ARNT2: variants seen among roughly 807,000 people sequenced by gnomAD.
The protein encoded by ARNT2 is aryl hydrocarbon receptor nuclear translocator 2, also known as ARNT protein 2.
A neutral mutation model predicts 91.7 loss-of-function variants in ARNT2; 36 were observed. The ratio of observed to expected loss-of-function variants is 0.39; its 90% CI spans 0.30 to 0.52. The LOEUF (loss-of-function observed/expected upper bound fraction) is 0.52, where lower values mean the gene tolerates loss of function less well. Ranked by LOEUF, ARNT2 falls within the 20% of genes least tolerant of loss-of-function variation. ARNT2 has a pLI of 0.72. For missense variants in ARNT2, 775 were observed against 939.3 expected (o/e 0.83, Z 2.29); for synonymous variants, 365 against 347.1 (o/e 1.05, Z -0.57).
At chr15:80,558,371 C>G (rs894656686) in intron 11 of ARNT2, among the ~76,000 whole-genome samples, 6 of 125,808 alleles carry the variant, frequency 4.8e-5, no homozygotes, top group African/African-American at 1.8e-4. Context: ...GGGTCTTACT[C>G]TGTTGCCCAG....
chr15:80,548,624 A>G (rs930262679), intron 8 of ARNT2, among the ~76,000 whole-genome samples: 4 of 152,138 alleles, frequency 2.6e-5, no homozygotes, highest in East Asian at 1.9e-4. Flanking sequence ...AACAGAGGCT[A>G]TAATGGTAGA....
chr15:80,559,836 G>C (rs985025001), intron 11 of ARNT2, among the ~76,000 whole-genome samples: 1 of 152,210 alleles, frequency 6.6e-6, no homozygotes, highest in Non-Finnish European at 1.5e-5. Flanking sequence ...GCTAAGCCGG[G>C]TTTTACGCTT....
intron 5 of ARNT2, among the ~76,000 whole-genome samples, chr15:80,479,105 G>A (rs530598902): frequency 5.7e-4 from 87 of 152,282 alleles, no homozygotes; most frequent in Non-Finnish European, 1.1e-3. Flanking sequence ...TGTCTCATTC[G>A]TTGGACCTGC....
intron 17 of ARNT2, among the ~76,000 whole-genome samples, chr15:80,588,728 A>C (rs1163545021): frequency 2.0e-5 from 3 of 152,080 alleles, no homozygotes; most frequent in African/African-American, 4.8e-5. Flanking sequence ...CCTATACCGG[A>C]TTAATTACTA....
Position 80,550,414 on chromosome 15 carries a change from C to T in ARNT2, c.878-785C>T, listed in dbSNP as rs115965953. 5.6e-3 allele frequency among the ~76,000 whole-genome samples: 857 copies of T among 152,226 alleles called. 13 individuals carry two copies. Among genetic ancestry groups the T allele is most frequent in the African/African-American group, 0.019 (791 of 41,526 alleles). ...GTCCGACCCAGTGTGGAAATATTTG[C>T]GTTAAGTGTCATGCAGTGTAAAAGG... On this transcript the variant is annotated intron_variant, in intron 8 of 18. Transcript: ENST00000303329.
intron 1 of ARNT2, among the ~76,000 whole-genome samples, chr15:80,406,349 C>T (rs552643106): frequency 1.3e-5 from 2 of 152,306 alleles, no homozygotes; most frequent in South Asian, 4.1e-4. Flanking sequence ...AAATCTGTGC[C>T]AGTTTGCCTG....
intron 1 of ARNT2, among the ~76,000 whole-genome samples, chr15:80,431,837 C>T (rs991423856): frequency 3.3e-5 from 5 of 152,202 alleles, no homozygotes; most frequent in African/African-American, 9.7e-5. Context: ...CCCCTGGTGG[C>T]CGAAGCCCTC....
At chr15:80,447,087 G>A (rs1486749288) in intron 1 of ARNT2, among the ~76,000 whole-genome samples, 2 of 152,090 alleles carry the variant, frequency 1.3e-5, no homozygotes, top group South Asian at 2.1e-4. Flanking sequence ...GAATAGCCAA[G>A]TTTAACATAT....
At chr15:80,459,186 T>A (rs1896519593) in intron 3 of ARNT2, among the ~76,000 whole-genome samples, 1 of 152,232 alleles carries the variant, frequency 6.6e-6, no homozygotes, top group Non-Finnish European at 1.5e-5. Flanking sequence ...CTTCCGTCTT[T>A]CAGCTTCTGC....
intron 5 of ARNT2, among the ~76,000 whole-genome samples, chr15:80,489,735 A>G (rs1316520983): frequency 1.3e-5 from 2 of 152,100 alleles, no homozygotes. Context: ...ATCCCCAGTA[A>G]CCCTTGCCAT....
rs547479764 is a variant in ARNT2 at position 80,470,404 on chromosome 15, G to T, written c.381G>T (p.Ala127=). ...CAGGGAACAAGTCCACCGATGGCGC[G>T]TACAAGCCTTCCTTCCTCACAGAGC... The part of the protein sequence containing the change: ...RGTGNKSTDG[A]YKPSFLTEQE... The change falls in exon 4 of 19, where the codon GCG becomes GCT. Residue 127 remains alanine, a synonymous_variant. Transcript: ENST00000303329. 2 of 1,614,044 alleles carry T rather than the reference G, an allele frequency of 1.2e-6. No individual in the cohort carries two copies. Among genetic ancestry groups the T allele is most frequent in the African/African-American group, 2.7e-5 (2 of 74,910 alleles).
rs764603647 is a variant in ARNT2, at chr15:80,597,049, A to G, written c.*3351A>G. 4.3e-6 allele frequency: 2 copies of G among 467,106 alleles called. No individual in the cohort carries two copies. The highest frequency in any genetic ancestry group is 8.5e-6 in the Non-Finnish European group (2 of 234,090). 28.9% of individuals were successfully genotyped at this position (467,106 alleles called of 1,614,324 possible). A position where few individuals can be genotyped will look rare whatever the true frequency, so the allele number is the denominator to read the frequency against. On this transcript the variant is annotated 3_prime_UTR_variant, in exon 19 of 19. Transcript: ENST00000303329. ...TTCATGAGACGTGAATGTTGCAGAG[A>G]GTGGGGGGATTCTGGTTGTTAAGGA...
chr15:80,575,520 C>T (rs1898659240), intron 14 of ARNT2, among the ~76,000 whole-genome samples: 1 of 152,208 alleles, frequency 6.6e-6, no homozygotes, highest in African/African-American at 2.4e-5. Flanking sequence ...TGTTCCCACT[C>T]CTGTTTCTCA....
chr15:80,414,444 G>A (rs1005834258), intron 1 of ARNT2, among the ~76,000 whole-genome samples: 4 of 152,148 alleles, frequency 2.6e-5, no homozygotes, highest in Non-Finnish European at 5.9e-5. Context: ...AGTTTCACAA[G>A]GACATGTGGC....
chr15:80,554,038 G>A (rs1394200926), intron 10 of ARNT2, among the ~76,000 whole-genome samples: 2 of 152,156 alleles, frequency 1.3e-5, no homozygotes, highest in African/African-American at 4.8e-5. Flanking sequence ...CCCCTCCATT[G>A]CCAGTGTCAG....
At chr15:80,415,641 C>T (rs1895769084) in intron 1 of ARNT2, among the ~76,000 whole-genome samples, 1 of 152,110 alleles carries the variant, frequency 6.6e-6, no homozygotes, top group South Asian at 2.1e-4. Context: ...CGTGGAGGCC[C>T]GGTCCACGTA....
intron 14 of ARNT2, 103 bp from the exon 15 acceptor site, chr15:80,576,763 T>C: frequency 1.6e-6 from 2 of 1,232,556 alleles, no homozygotes; most frequent in South Asian, 1.3e-5. Flanking sequence ...ACTTGTGTCC[T>C]CCCGTTCCCA....
intron 8 of ARNT2, among the ~76,000 whole-genome samples, chr15:80,517,426 A>G (rs1400471341): frequency 6.6e-6 from 1 of 152,070 alleles, no homozygotes; most frequent in Non-Finnish European, 1.5e-5. Context: ...GCCTAAATAT[A>G]GAGGGGTTTG....
intron 5 of ARNT2, among the ~76,000 whole-genome samples, chr15:80,504,449 G>A (rs1317070714): frequency 2.0e-5 from 3 of 152,184 alleles, no homozygotes; most frequent in Non-Finnish European, 4.4e-5. Context: ...GATGGCTGAG[G>A]TGACACCTTG....
Sources: gnomAD v4.1 joint callset for allele counts (sites outside exome capture counted in the v4.1 genomes callset) on GRCh38, gnomAD v4.1.1 for gene constraint, MANE v1.5 for transcripts, NCBI Gene and HGNC (gene_info 2026-07-23, HGNC 2026-07-21) for gene names.